The following CTIF variants were observed in gnomAD, a reference collection of about 807,000 sequenced individuals.
CTIF encodes CBP80/20-dependent translation initiation factor.
CTIF carries 21 observed loss-of-function variants against 66.0 expected under a neutral mutation model. The observed-to-expected ratio is 0.32, with a 90% confidence interval of 0.23 to 0.46. The LOEUF (loss-of-function observed/expected upper bound fraction) is 0.46. CTIF is among the 20% of genes least tolerant of loss of function. The probability of loss-of-function intolerance (pLI) is 1.00; values close to 1 mark genes in which losing one functional copy is unlikely to be tolerated. For missense variants in CTIF, 739 were observed against 812.7 expected (o/e 0.91, Z 1.10); for synonymous variants, 345 against 326.4 (o/e 1.06, Z -0.62).
intron 7 of CTIF, among the ~76,000 whole-genome samples, chr18:48,751,567 A>G (rs979212583): frequency 6.6e-6 from 1 of 152,188 alleles, no homozygotes; most frequent in Non-Finnish European, 1.5e-5. Flanking sequence ...ATGCTTTGGG[A>G]GCAGTTCAGA....
chr18:48,850,996 A>G (rs2069187468), intron 10 of CTIF, among the ~76,000 whole-genome samples: 1 of 152,248 alleles, frequency 6.6e-6, no homozygotes. Flanking sequence ...GAGAAAACCC[A>G]GCAGGCCGTT....
At chr18:48,798,703 CTG>C (rs2067984264) in intron 9 of CTIF, among the ~76,000 whole-genome samples, 1 of 152,216 alleles carries the variant, frequency 6.6e-6, no homozygotes, top group African/African-American at 2.4e-5. Flanking sequence ...CTGGATCTTG[CTG>C]TGTCCTGAGA....
At chr18:48,615,379 G>T (rs1431081783) in intron 1 of CTIF, among the ~76,000 whole-genome samples, 1 of 152,188 alleles carries the variant, frequency 6.6e-6, no homozygotes, top group African/African-American at 2.4e-5. Context: ...TGCTTTGCAT[G>T]TTCCCCGCTT....
intron 1 of CTIF, among the ~76,000 whole-genome samples, chr18:48,554,854 C>T (rs1162876760): frequency 6.6e-6 from 1 of 152,252 alleles, no homozygotes; most frequent in Non-Finnish European, 1.5e-5. Flanking sequence ...GCTTTGCAGC[C>T]CAGGCCATTA....
At chr18:48,816,552 G>A (rs1002638533) in intron 9 of CTIF, among the ~76,000 whole-genome samples, 1 of 152,128 alleles carries the variant, frequency 6.6e-6, no homozygotes, top group Non-Finnish European at 1.5e-5. Flanking sequence ...CAGCTCCTTG[G>A]TTTTTTATAC....
rs1568172027 is a variant in CTIF, at chr18:48,730,606, CTGTGTGAGGGGCTCCT to C, written c.584+18912_584+18927del. 2.9e-3 allele frequency among the ~76,000 whole-genome samples: 200 copies of C among 68,498 alleles called. 9 individuals are homozygous for C. Among genetic ancestry groups the C allele is most frequent in the Admixed American group, 4.0e-3 (27 of 6,824 alleles). 44.9% of individuals were successfully genotyped at this position (68,498 alleles called of 152,430 possible). On this transcript the variant is annotated intron_variant, in intron 7 of 11. Transcript: ENST00000256413. ...GCCCCTGTGGTGTGAGGGGCTTCTG[CTGTGTGAGGGGCTCCT>C]GCGGTGTGAGGGGCCCCTGTGGTGT...
At chr18:48,583,922 G>A (rs567345750) in intron 1 of CTIF, among the ~76,000 whole-genome samples, 1 of 152,346 alleles carries the variant, frequency 6.6e-6, no homozygotes, top group Non-Finnish European at 1.5e-5. Context: ...AGACAGGGCT[G>A]AAAACACATA....
intron 9 of CTIF, among the ~76,000 whole-genome samples, chr18:48,778,534 G>A (rs1209189783): frequency 1.3e-5 from 2 of 152,208 alleles, no homozygotes; most frequent in African/African-American, 4.8e-5. Context: ...GCCAGGGGAT[G>A]GCCGTTCAGC....
chr18:48,688,900 A>C (rs2091884563), intron 6 of CTIF, among the ~76,000 whole-genome samples: 1 of 152,224 alleles, frequency 6.6e-6, no homozygotes, highest in Admixed American at 6.5e-5. Context: ...AAGGAATGAC[A>C]ATCAGAGCTG....
intron 3 of CTIF, among the ~76,000 whole-genome samples, chr18:48,638,711 A>T (rs1040663975): frequency 1.3e-5 from 2 of 152,268 alleles, no homozygotes; most frequent in African/African-American, 4.8e-5. Flanking sequence ...GCAGCTGAGC[A>T]GTTGACTCGG....
At chr18:48,681,530 C>T (rs1172748864) in intron 6 of CTIF, among the ~76,000 whole-genome samples, 1 of 152,180 alleles carries the variant, frequency 6.6e-6, no homozygotes, top group Non-Finnish European at 1.5e-5. Context: ...CTGAGAGACC[C>T]AGAAAGGCAA....
intron 1 of CTIF, among the ~76,000 whole-genome samples, chr18:48,577,013 G>C (rs576456356): frequency 6.6e-6 from 1 of 152,378 alleles, no homozygotes; most frequent in South Asian, 2.1e-4. Context: ...TGCGGGGACA[G>C]GGTCTGCCCA....
chr18:48,687,406 C>T (rs559862635), intron 6 of CTIF, among the ~76,000 whole-genome samples: 19 of 151,270 alleles, frequency 1.3e-4, no homozygotes, highest in South Asian at 4.2e-4. Context: ...CCCCAGTCGT[C>T]TGAGGGGCCT....
chr18:48,692,746 T>A (rs1009338582), intron 6 of CTIF: 2 of 152,220 alleles, frequency 1.3e-5, no homozygotes, highest in African/African-American at 2.4e-5. Context: ...CACATTTTGC[T>A]GCACAATGGG....
At chr18:48,710,639 G>A (rs1234132063) in intron 6 of CTIF, among the ~76,000 whole-genome samples, 1 of 152,244 alleles carries the variant, frequency 6.6e-6, no homozygotes, top group Non-Finnish European at 1.5e-5. Flanking sequence ...TGCATTTGCA[G>A]GATCTGCCCT....
chr18:48,728,229 A>G (rs1185389096), intron 7 of CTIF, among the ~76,000 whole-genome samples: 2 of 152,148 alleles, frequency 1.3e-5, no homozygotes, highest in Non-Finnish European at 2.9e-5. Flanking sequence ...CTCAAAGTCC[A>G]TATTTCTACC....
chr18:48,681,351 A>C (rs570779562), intron 6 of CTIF, among the ~76,000 whole-genome samples: 15 of 152,278 alleles, frequency 9.9e-5, no homozygotes, highest in African/African-American at 3.1e-4. Flanking sequence ...AAACAAACCA[A>C]GTGAGTGAGT....
chr18:48,592,507 AAAAAAAG>A (rs1485521684), intron 1 of CTIF, among the ~76,000 whole-genome samples: 1 of 151,326 alleles, frequency 6.6e-6, no homozygotes, highest in African/African-American at 2.4e-5. Flanking sequence ...CAAAAAAAAA[AAAAAAAG>A]AAAAAGAAAA....
At chr18:48,634,390 C>T (rs1017090960) in intron 2 of CTIF, among the ~76,000 whole-genome samples, 6 of 152,116 alleles carry the variant, frequency 3.9e-5, no homozygotes, top group African/African-American at 1.4e-4. Flanking sequence ...TACTTTGAGA[C>T]TGCAATGATC....
Sources: allele counts gnomAD v4.1 joint callset (sites outside exome capture counted in the v4.1 genomes callset), GRCh38; gene constraint gnomAD v4.1.1; transcripts MANE v1.5; gene names NCBI Gene and HGNC (gene_info 2026-07-23, HGNC 2026-07-21).